GPC6: variants seen among roughly 807,000 people sequenced by gnomAD.
GPC6 encodes glypican 6.
Under a neutral mutation model 55.2 loss-of-function variants are expected in GPC6, and 14 were observed. That is an observed-to-expected ratio of 0.25 (90% CI 0.17 to 0.40). GPC6 has a LOEUF of 0.40. Ranked by LOEUF, GPC6 falls within the 10% of genes least tolerant of loss-of-function variation. The probability of loss-of-function intolerance (pLI) is 1.00; values close to 1 mark genes in which losing one functional copy is unlikely to be tolerated. For synonymous variants in GPC6, 278 were observed against 259.6 expected (o/e 1.07, Z -0.68); for missense variants, 641 against 708.5 (o/e 0.90, Z 1.08).
intron 6 of GPC6, among the ~76,000 whole-genome samples, chr13:94,323,794 G>T (rs148034231): frequency 6.6e-6 from 1 of 152,152 alleles, no homozygotes. Flanking sequence ...TATTCGATAG[G>T]ATTTCAAGTA....
intron 4 of GPC6, among the ~76,000 whole-genome samples, chr13:94,227,478 G>A (rs1890594940): frequency 6.6e-6 from 1 of 152,164 alleles, no homozygotes; most frequent in Non-Finnish European, 1.5e-5. Flanking sequence ...CATTCACCTG[G>A]GTGCCAGGAT....
intron 4 of GPC6, among the ~76,000 whole-genome samples, chr13:94,212,523 G>A (rs776557885): frequency 1.1e-4 from 16 of 152,042 alleles, no homozygotes; most frequent in South Asian, 4.2e-4. Flanking sequence ...GAATCACTGG[G>A]GGCATGTAAC....
At chr13:93,729,821 G>A (rs1220183204) in intron 2 of GPC6, among the ~76,000 whole-genome samples, 1 of 152,020 alleles carries the variant, frequency 6.6e-6, no homozygotes, top group East Asian at 1.9e-4. Flanking sequence ...TCCTTCAGTG[G>A]AATACCAACA....
chr13:93,458,157 A>G (rs1878540274), intron 1 of GPC6, among the ~76,000 whole-genome samples: 2 of 152,228 alleles, frequency 1.3e-5, no homozygotes, highest in Admixed American at 1.3e-4. Flanking sequence ...TTTTGTAGAA[A>G]GGAGAATCTT....
At chr13:93,939,962 T>A (rs1252251884) in intron 3 of GPC6, among the ~76,000 whole-genome samples, 2 of 152,206 alleles carry the variant, frequency 1.3e-5, no homozygotes, top group African/African-American at 4.8e-5. Context: ...CTGTGATTAT[T>A]CTGGATGCTA....
At chr13:93,636,437 T>G (rs1879699239) in intron 2 of GPC6, among the ~76,000 whole-genome samples, 1 of 152,220 alleles carries the variant, frequency 6.6e-6, no homozygotes, top group Non-Finnish European at 1.5e-5. Flanking sequence ...CACAAGGAAC[T>G]GTCGTAGAAT....
intron 2 of GPC6, among the ~76,000 whole-genome samples, chr13:93,640,832 G>GTTCC (rs71126406): frequency 0.8 from 96,206 of 119,938 alleles, 40,679 homozygotes; most frequent in Non-Finnish European, 0.93. Context: ...TCCTTCCTTT[G>GTTCC]TTCCTTCCTT....
intron 4 of GPC6, among the ~76,000 whole-genome samples, chr13:94,040,344 T>A (rs1883487584): frequency 6.6e-6 from 1 of 151,726 alleles, no homozygotes; most frequent in Non-Finnish European, 1.5e-5. Flanking sequence ...TATTCATTGG[T>A]TTCTGGACAT....
chr13:93,898,396 A>G (rs77708314), intron 3 of GPC6, among the ~76,000 whole-genome samples: 4,333 of 152,234 alleles, frequency 0.028, 200 homozygotes, highest in African/African-American at 0.097. Context: ...ATGCCATGCC[A>G]TAGGGAAGTA....
chr13:93,849,820 GT>G (rs1385205817), intron 3 of GPC6, among the ~76,000 whole-genome samples: 1 of 152,048 alleles, frequency 6.6e-6, no homozygotes, highest in African/African-American at 2.4e-5. Flanking sequence ...CTAGGTGTGG[GT>G]AAACAGAAGA....
chr13:93,945,307 G>A (rs995489457), intron 3 of GPC6, among the ~76,000 whole-genome samples: 25 of 152,110 alleles, frequency 1.6e-4, no homozygotes, highest in African/African-American at 5.3e-4. Flanking sequence ...GATGTAAAAG[G>A]AGACTTTTAC....
intron 2 of GPC6, among the ~76,000 whole-genome samples, chr13:93,663,427 G>A (rs1173519783): frequency 1.3e-5 from 2 of 152,112 alleles, no homozygotes; most frequent in Admixed American, 1.3e-4. Flanking sequence ...CAGATGCTGA[G>A]ACAGATTATT....
chr13:93,442,286 A>G (rs1017407641), intron 1 of GPC6, among the ~76,000 whole-genome samples: 3 of 152,146 alleles, frequency 2.0e-5, no homozygotes, highest in African/African-American at 7.2e-5. Context: ...GGAGCGAGAA[A>G]GACTCTAAGC....
intron 2 of GPC6, among the ~76,000 whole-genome samples, chr13:93,669,356 C>T (rs527546991): frequency 5.1e-4 from 77 of 152,198 alleles, no homozygotes; most frequent in Non-Finnish European, 6.8e-4. Flanking sequence ...ACGGGAAGTC[C>T]AAGTTAAAAA....
At chr13:94,000,278 G>T (rs948018783) in intron 3 of GPC6, among the ~76,000 whole-genome samples, 3 of 152,076 alleles carry the variant, frequency 2.0e-5, no homozygotes, top group Non-Finnish European at 2.9e-5. Context: ...ATTCAATTGT[G>T]TTCATTAAAT....
At chr13:93,485,628 TTTAA>T (rs988707378) in intron 1 of GPC6, among the ~76,000 whole-genome samples, 1 of 152,154 alleles carries the variant, frequency 6.6e-6, no homozygotes, top group African/African-American at 2.4e-5. Flanking sequence ...TATGAATAAG[TTTAA>T]TTGAGTGTTG....
intron 4 of GPC6, among the ~76,000 whole-genome samples, chr13:94,240,406 G>C (rs1379647681): frequency 6.6e-6 from 1 of 152,010 alleles, no homozygotes; most frequent in Non-Finnish European, 1.5e-5. Flanking sequence ...TACCCGAGAG[G>C]GCCTCCTTGT....
intron 4 of GPC6, among the ~76,000 whole-genome samples, chr13:94,256,227 T>C (rs190381133): frequency 6.6e-6 from 1 of 152,286 alleles, no homozygotes; most frequent in East Asian, 1.9e-4. Context: ...GTGTGGGCCA[T>C]GTCAGGGAAT....
In GPC6 at chr13:93,667,735, G is replaced by GTTTTTTTTTTT. The variant is rs71126408; in HGVS notation, c.319+122317_319+122327dup. On this transcript the variant is annotated intron_variant, in intron 2 of 8. Coordinates refer to ENST00000377047, the MANE Select transcript of GPC6 (RefSeq NM_005708.5). ...AAACCACCACACCCAGCCAGGACTT[G>GTTTTTTTTTTT]TTTTTTTTTTTTTCTGTCAAATTTG... Among the ~76,000 whole-genome samples the GTTTTTTTTTTT allele has an allele frequency of 2.0e-3, 248 of 123,078 alleles. 10 individuals carry two copies. The highest frequency in any genetic ancestry group is 8.1e-3 in the East Asian group (35 of 4,314). The allele number at this position is 123,078 out of a possible 152,430, so 80.7% of individuals were successfully genotyped here.
Sources: gnomAD v4.1 joint callset for allele counts (sites outside exome capture counted in the v4.1 genomes callset) on GRCh38, gnomAD v4.1.1 for gene constraint, MANE v1.5 for transcripts, NCBI Gene and HGNC (gene_info 2026-07-23, HGNC 2026-07-21) for gene names.